Variants in CCDC66 observed in about 807,000 individuals in gnomAD.
CCDC66 encodes the protein coiled-coil domain containing 66.
In CCDC66, 133 loss-of-function variants were observed where a neutral mutation model predicts 128.3. That is an observed-to-expected ratio of 1.04 (90% confidence interval 0.90 to 1.20). The LOEUF (loss-of-function observed/expected upper bound fraction) is 1.20, where lower values mean the gene tolerates loss of function less well. CCDC66 is among the 50% of genes most tolerant of loss of function. The pLI is 0.00. For missense variants in CCDC66, 1,126 were observed against 1,075.5 expected (o/e 1.05, Z -0.66); for synonymous variants, 387 against 357.0 (o/e 1.08, Z -0.95).
chr3:56,616,771 A>G (rs2075565885), intron 13 of CCDC66: 1 of 203,806 alleles, frequency 4.9e-6, no homozygotes, highest in South Asian at 1.4e-4. Context: ...CCATCAGTGC[A>G]TGTGGGTTCT....
chr3:56,617,911 C>T (rs891438676), intron 14 of CCDC66: 1 of 569,766 alleles, frequency 1.8e-6, no homozygotes, highest in Non-Finnish European at 3.1e-6. Context: ...ACTTACACAA[C>T]TTCTGTAGAT....
chr3:56,580,621 T>C (rs139574575), intron 7 of CCDC66, among the ~76,000 whole-genome samples: 4,880 of 151,946 alleles, frequency 0.032, 136 homozygotes, highest in Middle Eastern at 0.078. Context: ...ACAAAATCTC[T>C]CAGCATTTGT....
At chr3:56,601,992 A>G (rs2073249207) in intron 10 of CCDC66, among the ~76,000 whole-genome samples, 1 of 152,058 alleles carries the variant, frequency 6.6e-6, no homozygotes, top group Non-Finnish European at 1.5e-5. Flanking sequence ...CTTGGCCAGA[A>G]CTTCCAATAC....
At position 56,619,840 on chromosome 3, in the gene CCDC66, A is replaced by G; in HGVS notation, c.2699A>G (p.Asn900Ser). The G allele has an allele frequency of 6.2e-7, 1 of 1,614,170 alleles. No individual in the cohort carries two copies. Among genetic ancestry groups the G allele is most frequent in the South Asian group, 1.1e-5 (1 of 91,084 alleles). The stretch of plus-strand genomic sequence containing the variant: ...GTCAGGGATCCACTTCTTAATCCTA[A>G]CATGGTGAAAAATAGGGATCGACAG... The part of the protein sequence containing the change: ...DCVRDPLLNP[N>S]MVKNRDRQQA... Residue 900 changes from asparagine (N) to serine (S), a missense_variant, in exon 17 of 18, where the codon AAC becomes AGC. Transcript: ENST00000394672.
intron 7 of CCDC66, among the ~76,000 whole-genome samples, chr3:56,589,574 A>G (rs2070478172): frequency 1.3e-5 from 2 of 152,188 alleles, no homozygotes; most frequent in South Asian, 4.1e-4. Context: ...TCATATTTAT[A>G]AAAATAATAG....
intron 7 of CCDC66, among the ~76,000 whole-genome samples, chr3:56,587,924 C>T (rs2070108635): frequency 6.6e-6 from 1 of 152,176 alleles, no homozygotes; most frequent in African/African-American, 2.4e-5. Context: ...CCATTTGATT[C>T]AGCATTCTCA....
intron 6 of CCDC66, among the ~76,000 whole-genome samples, chr3:56,569,089 G>A (rs1446438369): frequency 6.6e-6 from 1 of 152,202 alleles, no homozygotes; most frequent in Admixed American, 6.5e-5. Flanking sequence ...TGTAATCCCA[G>A]CACTTTGGAA....
chr3:56,568,205 T>C (rs1286971339), intron 6 of CCDC66, among the ~76,000 whole-genome samples: 7 of 152,186 alleles, frequency 4.6e-5, no homozygotes, highest in African/African-American at 1.7e-4. Flanking sequence ...GCAAGGCTAC[T>C]TCTGTTTGTA....
chr3:56,574,083 G>A (rs891146216), intron 7 of CCDC66, among the ~76,000 whole-genome samples: 4 of 151,608 alleles, frequency 2.6e-5, no homozygotes, highest in Non-Finnish European at 5.9e-5. Context: ...TGCAGTTTTC[G>A]CTGGGTGCAG....
chr3:56,580,435 A>C (rs1473040729), intron 7 of CCDC66, among the ~76,000 whole-genome samples: 6 of 151,774 alleles, frequency 4.0e-5, no homozygotes, highest in Non-Finnish European at 7.4e-5. Context: ...GTTCTGTGTG[A>C]ATTTGATCCT....
chr3:56,582,849 T>TTTATTATTA (rs66485521), intron 7 of CCDC66, among the ~76,000 whole-genome samples: 4,777 of 134,794 alleles, frequency 0.035, 137 homozygotes, highest in East Asian at 0.082. Flanking sequence ...CTCAACTTTC[T>TTTATTATTA]TTATTATTAT....
chr3:56,560,299 C>T (rs1303662137), intron 3 of CCDC66, among the ~76,000 whole-genome samples: 1 of 152,224 alleles, frequency 6.6e-6, no homozygotes, highest in African/African-American at 2.4e-5. Context: ...GTGGCATAAT[C>T]ATGGCTGCAG....
intron 17 of CCDC66, chr3:56,620,936 A>C (rs1375601671): frequency 6.6e-6 from 1 of 152,338 alleles, no homozygotes; most frequent in East Asian, 1.9e-4. Flanking sequence ...GCAGATCATG[A>C]GGTCAGGAGA....
Position 56,559,696 on chromosome 3 carries a change from G to C in CCDC66, c.102+102G>C, listed in dbSNP as rs550333966. Reference sequence around the variant, plus strand: ...CCTGGGAAATGTCAAGTGTTCTAAGGGGTTTGGAATTATAGTGAGGAGTTA... The same window carrying C: ...CCTGGGAAATGTCAAGTGTTCTAAGCGGTTTGGAATTATAGTGAGGAGTTA... On this transcript the variant is annotated intron_variant, in intron 3 of 17. Transcript: ENST00000394672. The C allele has an allele frequency of 4.7e-5, 43 of 907,816 alleles. No homozygotes were observed. The South Asian group carries it at 7.7e-4, about 16-fold the overall frequency. 56.2% of individuals were successfully genotyped at this position (907,816 alleles called of 1,614,324 possible).
intron 10 of CCDC66, among the ~76,000 whole-genome samples, chr3:56,611,102 G>T (rs1480411829): frequency 2.0e-5 from 3 of 152,176 alleles, no homozygotes; most frequent in East Asian, 3.9e-4. Flanking sequence ...TGTGGAGAGG[G>T]ACCAGCCATG....
chr3:56,559,701 T>A, intron 3 of CCDC66, 107 bp downstream of exon 3: 1 of 842,210 alleles, frequency 1.2e-6, no homozygotes. Context: ...CTAAGGGGTT[T>A]GGAATTATAG....
At chr3:56,582,796 A>G (rs1046985292) in intron 7 of CCDC66, among the ~76,000 whole-genome samples, 2 of 150,192 alleles carry the variant, frequency 1.3e-5, no homozygotes, top group African/African-American at 2.4e-5. Context: ...TCATATATGC[A>G]TAATCATAAT....
At chr3:56,559,364 T>C (rs1202211807) in intron 2 of CCDC66, among the ~76,000 whole-genome samples, 2 of 152,100 alleles carry the variant, frequency 1.3e-5, no homozygotes, top group Non-Finnish European at 2.9e-5. Flanking sequence ...AGTTTTACCT[T>C]GGAAAGATAA....
chr3:56,618,030 C>A (rs3732505), intron 14 of CCDC66, 142 bp from the exon 15 acceptor site: 118,753 of 695,928 alleles, frequency 0.17, 13,416 homozygotes, highest in South Asian at 0.35. Context: ...CTGGAAAAAA[C>A]TATATCTATT....
Sources: allele counts gnomAD v4.1 joint callset (sites outside exome capture counted in the v4.1 genomes callset), GRCh38; gene constraint gnomAD v4.1.1; transcripts MANE v1.5; gene names NCBI Gene and HGNC (gene_info 2026-07-23, HGNC 2026-07-21).